MAPK4: variants seen among roughly 807,000 people sequenced by gnomAD.
MAPK4 encodes the protein Erk3-related.
Under a neutral mutation model 47.7 loss-of-function variants are expected in MAPK4, and 22 were observed. The observed-to-expected ratio is 0.46, with a 90% CI of 0.33 to 0.66. The LOEUF is 0.66. Among genes scored for constraint, MAPK4 ranks in the 30% least tolerant of loss-of-function variants. The pLI, the probability that MAPK4 is intolerant of heterozygous loss-of-function variation, is 0.02. For synonymous variants in MAPK4, 390 were observed against 365.7 expected, an observed-to-expected ratio of 1.07 and a Z score of -0.76; for missense variants, 736 against 831.7, an observed-to-expected ratio of 0.88 and a Z score of 1.42.
chr18:50,613,549 C>T (rs1031672181), intron 1 of MAPK4, among the ~76,000 whole-genome samples: 1 of 152,222 alleles, frequency 6.6e-6, no homozygotes, highest in Non-Finnish European at 1.5e-5. Flanking sequence ...TGTCTACACT[C>T]CTTACCCACA....
chr18:50,597,940 A>C (rs545020675), intron 1 of MAPK4, among the ~76,000 whole-genome samples: 1 of 152,240 alleles, frequency 6.6e-6, no homozygotes, highest in Admixed American at 6.5e-5. Flanking sequence ...ATATTAAAGC[A>C]TCTCTATCTC....
chr18:50,630,610 A>T (rs2042820157), intron 1 of MAPK4, among the ~76,000 whole-genome samples: 1 of 152,140 alleles, frequency 6.6e-6, no homozygotes, highest in Non-Finnish European at 1.5e-5. Flanking sequence ...TCCTCTTCGG[A>T]CACATCCTTC....
chr18:50,695,627 G>A, intron 2 of MAPK4, among the ~76,000 whole-genome samples: 1 of 152,202 alleles, frequency 6.6e-6, no homozygotes, highest in East Asian at 1.9e-4. Flanking sequence ...ACAGAAGGTG[G>A]CGGATGCCAC....
intron 1 of MAPK4, among the ~76,000 whole-genome samples, chr18:50,614,992 G>A (rs890520216): frequency 1.3e-5 from 2 of 152,186 alleles, no homozygotes; most frequent in Non-Finnish European, 2.9e-5. Context: ...TGATGTTGGC[G>A]ATGTCACAAT....
intron 1 of MAPK4, among the ~76,000 whole-genome samples, chr18:50,608,897 A>C (rs938969633): frequency 8.6e-5 from 13 of 151,986 alleles, no homozygotes; most frequent in African/African-American, 2.9e-4. Context: ...GTCCCTGGGT[A>C]CTTGAGATTA....
At chr18:50,712,671 T>G (rs547146698) in intron 2 of MAPK4, among the ~76,000 whole-genome samples, 4 of 152,034 alleles carry the variant, frequency 2.6e-5, no homozygotes, top group Admixed American at 6.6e-5. Flanking sequence ...GAGCAAGTGT[T>G]TCAGAAGAAA....
chr18:50,591,762 AT>A (rs1032208318), intron 1 of MAPK4, among the ~76,000 whole-genome samples: 8 of 151,936 alleles, frequency 5.3e-5, no homozygotes, highest in Non-Finnish European at 8.8e-5. Context: ...AAGGTCACAT[AT>A]TTAGTAAATG....
At chr18:50,573,856 C>G (rs1435086999) in intron 1 of MAPK4, among the ~76,000 whole-genome samples, 1 of 152,152 alleles carries the variant, frequency 6.6e-6, no homozygotes, top group East Asian at 1.9e-4. Flanking sequence ...TCCTCTTATA[C>G]CAATGTCTTC....
intron 1 of MAPK4, among the ~76,000 whole-genome samples, chr18:50,564,779 G>A (rs575824197): frequency 7.2e-5 from 11 of 152,230 alleles, no homozygotes; most frequent in Middle Eastern, 3.4e-3. Context: ...TAGCAGAACC[G>A]CCATTACCCA....
At chr18:50,650,351 C>G (rs1373410592) in intron 1 of MAPK4, among the ~76,000 whole-genome samples, 1 of 151,142 alleles carries the variant, frequency 6.6e-6, no homozygotes, top group Non-Finnish European at 1.5e-5. Context: ...TCTCTCTCCT[C>G]TTTTCCTCTC....
At chr18:50,701,198 C>CGTT (rs1568087262) in intron 2 of MAPK4, among the ~76,000 whole-genome samples, 12 of 149,730 alleles carry the variant, frequency 8.0e-5, no homozygotes, top group African/African-American at 2.7e-4. Flanking sequence ...CCTCCTTGGC[C>CGTT]ATTATCCTCT....
chr18:50,657,489 C>G (rs539057723), intron 1 of MAPK4, among the ~76,000 whole-genome samples: 1 of 152,158 alleles, frequency 6.6e-6, no homozygotes, highest in Non-Finnish European at 1.5e-5. Flanking sequence ...CCTGAGTGAG[C>G]TTGGAAGCCG....
intron 2 of MAPK4, among the ~76,000 whole-genome samples, chr18:50,706,864 G>C (rs1249881452): frequency 1.3e-5 from 2 of 152,182 alleles, no homozygotes; most frequent in African/African-American, 2.4e-5. Flanking sequence ...GGAGCTGCCA[G>C]TCCTGGTACA....
At chr18:50,615,119 G>T (rs576043507) in intron 1 of MAPK4, among the ~76,000 whole-genome samples, 2 of 152,208 alleles carry the variant, frequency 1.3e-5, no homozygotes, top group South Asian at 4.2e-4. Flanking sequence ...GGATGTTCAG[G>T]TGCCCACTCG....
intron 1 of MAPK4, among the ~76,000 whole-genome samples, chr18:50,591,508 T>A (rs1400601841): frequency 1.3e-5 from 2 of 151,024 alleles, no homozygotes; most frequent in East Asian, 3.9e-4. Context: ...ATTGGCTTAC[T>A]CTAAAACATG....
intron 1 of MAPK4, among the ~76,000 whole-genome samples, chr18:50,637,922 A>G (rs1485556765): frequency 6.6e-6 from 1 of 152,222 alleles, no homozygotes; most frequent in African/African-American, 2.4e-5. Flanking sequence ...GAACCTCTTT[A>G]AAGACCCTGT....
chr18:50,665,878 G>A (rs1907576118), intron 2 of MAPK4, among the ~76,000 whole-genome samples: 1 of 152,218 alleles, frequency 6.6e-6, no homozygotes, highest in Non-Finnish European at 1.5e-5. Context: ...TGGGGCCTGG[G>A]GAGGCAGGGA....
intron 2 of MAPK4, among the ~76,000 whole-genome samples, chr18:50,688,889 T>TAAAAA (rs35330620): frequency 6.8e-3 from 743 of 109,262 alleles, no homozygotes; most frequent in Middle Eastern, 0.011. Context: ...CCTATGGAAA[T>TAAAAA]AAAAAAAAAA....
intron 1 of MAPK4, among the ~76,000 whole-genome samples, chr18:50,602,041 G>T (rs1158620573): frequency 1.3e-5 from 2 of 152,076 alleles, no homozygotes; most frequent in African/African-American, 2.4e-5. Flanking sequence ...TTTCCTAGCT[G>T]GTATGATCCA....
Sources: allele counts gnomAD v4.1 joint callset (sites outside exome capture counted in the v4.1 genomes callset), GRCh38; gene constraint gnomAD v4.1.1; transcripts MANE v1.5; gene names NCBI Gene and HGNC (gene_info 2026-07-23, HGNC 2026-07-21).